WDR4: variants seen among roughly 807,000 people sequenced by gnomAD.
WDR4 encodes tRNA (guanine-N(7)-)-methyltransferase non-catalytic subunit WDR4.
A neutral mutation model predicts 48.6 loss-of-function variants in WDR4; 47 were observed. The observed-to-expected ratio is 0.97, with a 90% CI of 0.77 to 1.23. The LOEUF is 1.23. Among genes scored for constraint, WDR4 ranks in the 50% most tolerant of loss-of-function variants. The probability of loss-of-function intolerance (pLI) is 0.00; values close to 1 mark genes in which losing one functional copy is unlikely to be tolerated. For synonymous variants in WDR4, 268 were observed against 230.0 expected (o/e 1.17, Z -1.49); for missense variants, 606 against 551.6 (o/e 1.10, Z -0.99).
At chr21:42,867,820 C>G (rs553591330) in intron 3 of WDR4, among the ~76,000 whole-genome samples, 2 of 152,100 alleles carry the variant, frequency 1.3e-5, no homozygotes, top group East Asian at 3.9e-4. Context: ...TCACCTTGGC[C>G]CCTCAAAATG....
chr21:42,853,182 C>A (rs1040499024), intron 9 of WDR4, among the ~76,000 whole-genome samples: 1 of 152,158 alleles, frequency 6.6e-6, no homozygotes, highest in Non-Finnish European at 1.5e-5. Context: ...CTACCCGGGG[C>A]TCCACATGCT....
chr21:42,878,041 C>CAAAAAAAAAA, intron 1 of WDR4, among the ~76,000 whole-genome samples: 1 of 114,886 alleles, frequency 8.7e-6, no homozygotes, highest in Non-Finnish European at 1.8e-5. Flanking sequence ...CGAGACTCCT[C>CAAAAAAAAAA]AAAAAAAAAA....
At chr21:42,873,828 T>C in intron 2 of WDR4, 137 bp from the exon 3 acceptor site, 1 of 985,544 alleles carries the variant, frequency 1.0e-6, no homozygotes, top group South Asian at 1.7e-5. Context: ...AATACAGACA[T>C]ATTAAAGGGA....
Position 42,850,097 on chromosome 21 carries a change from G to A in WDR4, c.1191C>T (p.Asp397=), listed in dbSNP as rs746458511. The A allele has an allele frequency of 2.7e-5, 43 of 1,613,918 alleles. No homozygotes were observed. Among genetic ancestry groups the A allele is most frequent in the African/African-American group, 1.9e-4 (14 of 74,940 alleles). The change falls in exon 11 of 11, where the codon GAC becomes GAT. Residue 397 remains aspartate (D), a synonymous_variant. Coordinates refer to ENST00000398208, the MANE Select transcript of WDR4 (RefSeq NM_018669.6). The part of the protein sequence containing the change: ...QRRRSPPPGP[D]GHAKKMRPGE... ...CCGGTCTCATCTTCTTGGCATGCCC[G>A]TCGGGCCCAGGCGGGGGACTCCGGC...
upstream of WDR4, among the ~76,000 whole-genome samples, chr21:42,880,425 C>A (rs2058598429): frequency 6.6e-6 from 1 of 152,088 alleles, no homozygotes; most frequent in Admixed American, 6.6e-5. Flanking sequence ...CAGAGACTTA[C>A]AAACTAAAAA....
At chr21:42,876,218 CTT>C (rs373181618) in intron 2 of WDR4, among the ~76,000 whole-genome samples, 14 of 105,866 alleles carry the variant, frequency 1.3e-4, no homozygotes, top group African/African-American at 5.5e-4. Context: ...ACACTGTACT[CTT>C]TTTTTTTTTG....
chr21:42,867,448 C>T (rs183734404), intron 3 of WDR4, among the ~76,000 whole-genome samples: 255 of 151,776 alleles, frequency 1.7e-3, no homozygotes, highest in Non-Finnish European at 2.9e-3. Context: ...TGCCAAGAGC[C>T]AAACACTGCT....
Position 42,863,427 on chromosome 21 carries a change from G to T in WDR4, c.453+13C>A. On this transcript the variant is annotated intron_variant, in intron 4 of 10. Transcript: ENST00000398208. Reference sequence around the variant, plus strand: ...ACCTGCCATGTCCCCCACCTACCACGTCCCCCACCTACCACATCTAACAGC... The same window carrying T: ...ACCTGCCATGTCCCCCACCTACCACTTCCCCCACCTACCACATCTAACAGC... The T allele has an allele frequency of 1.3e-6, 2 of 1,561,462 alleles. No individual in the cohort carries two copies. The highest frequency in any genetic ancestry group is 1.7e-6 in the Non-Finnish European group (2 of 1,149,212).
At chr21:42,859,584 A>AGCGATCCACAG (rs372850312) in intron 6 of WDR4, 78 bp downstream of exon 6, 8 of 1,364,532 alleles carry the variant, frequency 5.9e-6, no homozygotes, top group Admixed American at 4.0e-5. Flanking sequence ...CACAGGGGCC[A>AGCGATCCACAG]GGTCCAGGAG....
intron 6 of WDR4, among the ~76,000 whole-genome samples, chr21:42,857,128 G>T (rs2058014786): frequency 6.6e-6 from 1 of 152,024 alleles, no homozygotes; most frequent in African/African-American, 2.4e-5. Flanking sequence ...AGAGAAACGG[G>T]ACCTCCCTGA....
At chr21:42,887,294 A>T in the WDR4 span, among the ~76,000 whole-genome samples, 105 of 141,274 alleles carry the variant, frequency 7.4e-4, 1 homozygote, top group Non-Finnish European at 1.4e-3. Flanking sequence ...GCCTGGCCTA[A>T]TTTTTTTTTT....
chr21:42,859,432 G>A (rs1456585239), intron 6 of WDR4, among the ~76,000 whole-genome samples: 2 of 152,030 alleles, frequency 1.3e-5, no homozygotes, highest in Non-Finnish European at 2.9e-5. Flanking sequence ...ACACACCCGT[G>A]CTAGTTCATC....
intron 3 of WDR4, among the ~76,000 whole-genome samples, chr21:42,873,275 G>A (rs1333424295): frequency 1.3e-5 from 2 of 152,180 alleles, no homozygotes; most frequent in Non-Finnish European, 2.9e-5. Context: ...AGCAGGGCCC[G>A]GCTCTGTCTT....
At chr21:42,854,673 C>T (rs569127512) in intron 7 of WDR4, 47 bp from the exon 8 acceptor site, 15 of 1,580,982 alleles carry the variant, frequency 9.5e-6, no homozygotes, top group Admixed American at 3.6e-5. Context: ...TGCAGGGGCC[C>T]GACGCCGGGC....
chr21:42,852,598 A>G (rs974830856), intron 9 of WDR4, among the ~76,000 whole-genome samples: 5 of 152,236 alleles, frequency 3.3e-5, no homozygotes, highest in African/African-American at 1.2e-4. Flanking sequence ...GCCACTTCTC[A>G]GGTAAAAAGA....
chr21:42,859,863 G>A, intron 5 of WDR4, 141 bp from the exon 6 acceptor site: 1 of 861,858 alleles, frequency 1.2e-6, no homozygotes, highest in Non-Finnish European at 1.9e-6. Context: ...GCCAACATGG[G>A]AAGTAGCTGT....
At chr21:42,861,584 A>G (rs1011202317) in intron 5 of WDR4, among the ~76,000 whole-genome samples, 1 of 152,082 alleles carries the variant, frequency 6.6e-6, no homozygotes, top group Non-Finnish European at 1.5e-5. Context: ...CTGGATCACT[A>G]GCGAACTAAA....
chr21:42,863,669 G>T, intron 3 of WDR4, 73 bp from the exon 4 acceptor site: 3 of 1,507,782 alleles, frequency 2.0e-6, no homozygotes, highest in Non-Finnish European at 2.7e-6. Flanking sequence ...GGCAGGCCAC[G>T]TGGGCGGTGG....
At position 42,852,296 on chromosome 21, in the gene WDR4, T is replaced by G; in HGVS notation, c.1004A>C (p.Lys335Thr). The G allele has an allele frequency of 6.2e-7, 1 of 1,614,146 alleles. No individual in the cohort carries two copies. Among genetic ancestry groups the G allele is most frequent in the Non-Finnish European group, 8.5e-7 (1 of 1,180,000 alleles). ...QSVPESTVLK[K>T]VSGVLRGNWA... ...GTTCCCACGAAGAACACCAGAGACT[T>G]TCTTTAACACGGTGCTCTCAGGAAC... is the stretch of plus-strand genomic sequence containing the variant. The change falls in exon 10 of 11, where the codon AAA (lysine) becomes ACA (threonine). Residue 335 changes from lysine to threonine, a missense_variant. Physicochemically the swap from Lys to Thr is moderately conservative, Grantham distance 78. Transcript: ENST00000398208.
Sources: allele counts gnomAD v4.1 joint callset (sites outside exome capture counted in the v4.1 genomes callset), GRCh38; gene constraint gnomAD v4.1.1; transcripts MANE v1.5; gene names NCBI Gene and HGNC (gene_info 2026-07-23, HGNC 2026-07-21).